The following RAB25 variants were observed in gnomAD, a reference collection of about 807,000 sequenced individuals.
RAB25 encodes ras-related protein Rab-25.
Under a neutral mutation model 25.2 loss-of-function variants are expected in RAB25, and 23 were observed. The observed-to-expected ratio is 0.91, with a 90% CI of 0.66 to 1.29. The LOEUF is 1.29. Ranked by LOEUF, RAB25 falls within the 50% of genes most tolerant of loss-of-function variation. The pLI is 0.00. For synonymous variants in RAB25, 102 were observed against 111.5 expected (o/e 0.91, Z 0.54); for missense variants, 244 against 277.3 (o/e 0.88, Z 0.85).
chr1:156,061,307 TC>T lies in RAB25; in HGVS notation c.-93del, dbSNP rs1343399764. On this transcript the variant is annotated 5_prime_UTR_variant, in exon 1 of 5. It introduces an in-frame stop codon into an upstream open reading frame of the 5' UTR. Coordinates refer to ENST00000361084, the MANE Select transcript of RAB25 (RefSeq NM_020387.4). Reference sequence around the variant, plus strand: ...CAATGAGAGGAGGGGCAGGACCAGATCTTTTGAGAGCTGAGGGTTGAGGGCA... The same window carrying T: ...CAATGAGAGGAGGGGCAGGACCAGATTTTTGAGAGCTGAGGGTTGAGGGCA... 5.3e-6 allele frequency: 7 copies of T among 1,319,178 alleles called. No homozygotes were observed. The highest frequency in any genetic ancestry group is 7.6e-6 in the Non-Finnish European group (7 of 915,478). 81.7% of individuals were successfully genotyped at this position (1,319,178 alleles called of 1,614,324 possible).
chr1:156,063,705 C>T (rs1647660598), intron 1 of RAB25, among the ~76,000 whole-genome samples: 1 of 152,226 alleles, frequency 6.6e-6, no homozygotes, highest in Non-Finnish European at 1.5e-5. Context: ...CCTGCACTCC[C>T]TGCAGCTTGG....
intron 2 of RAB25, 91 bp downstream of exon 2, chr1:156,066,197 A>T: frequency 1.9e-5 from 15 of 801,926 alleles, no homozygotes; most frequent in South Asian, 2.7e-5. Flanking sequence ...GGAGGAGGCA[A>T]GGGGGCTCAG....
chr1:156,069,223 C>T (rs1243368916), intron 3 of RAB25, among the ~76,000 whole-genome samples: 2 of 152,128 alleles, frequency 1.3e-5, no homozygotes, highest in African/African-American at 4.8e-5. Flanking sequence ...GCTCCGTCAC[C>T]CAGGCTGGGG....
intron 1 of RAB25, among the ~76,000 whole-genome samples, chr1:156,063,850 A>G (rs1403377882): frequency 6.6e-6 from 1 of 152,244 alleles, no homozygotes; most frequent in African/African-American, 2.4e-5. Flanking sequence ...AATGGGATTC[A>G]TGGCATTCTT....
chr1:156,061,591 G>T (rs561196260), intron 1 of RAB25, 148 bp downstream of exon 1: 2 of 835,426 alleles, frequency 2.4e-6, no homozygotes, highest in African/African-American at 1.7e-5. Context: ...TGCAGGGAGT[G>T]GGGGAGGGTC....
At chr1:156,068,000 G>A (rs931316993) in intron 2 of RAB25, among the ~76,000 whole-genome samples, 5 of 152,142 alleles carry the variant, frequency 3.3e-5, no homozygotes, top group South Asian at 2.1e-4. Context: ...TGATCCACCC[G>A]CCTTGGCCTC....
At chr1:156,062,073 C>G (rs1187780401) in intron 1 of RAB25, among the ~76,000 whole-genome samples, 2 of 152,204 alleles carry the variant, frequency 1.3e-5, no homozygotes, top group African/African-American at 4.8e-5. Flanking sequence ...AGCCACCACA[C>G]CCGGCCAGGA....
intron 1 of RAB25, among the ~76,000 whole-genome samples, chr1:156,065,611 TCA>T (rs1647719492): frequency 1.3e-5 from 2 of 152,106 alleles, no homozygotes; most frequent in East Asian, 1.9e-4. Context: ...CGCATGACAC[TCA>T]TAAAGAGCCC....
In RAB25 at chr1:156,068,424, G is replaced by T; in HGVS notation, c.394G>T (p.Ala132Ser). 1 of 1,613,940 alleles carries T rather than the reference G, an allele frequency of 6.2e-7. No homozygotes were observed. Among genetic ancestry groups the T allele is most frequent in the Non-Finnish European group, 8.5e-7 (1 of 1,180,004 alleles). Residue 132 changes from alanine to serine, a missense_variant, in exon 3 of 5, where the codon GCC becomes TCC. Ala to Ser is a moderately conservative substitution (Grantham distance 99). Coordinates refer to ENST00000361084, the MANE Select transcript of RAB25 (RefSeq NM_020387.4). ...GGGTAACAAAAGTGACCTCAGCCAG[G>T]CCCGGGAAGTGCCCACTGAGGAGGC... Reference protein sequence around the residue: ...LVGNKSDLSQAREVPTEEARM... With the variant: ...LVGNKSDLSQSREVPTEEARM...
chr1:156,068,527 C>A, intron 3 of RAB25, 64 bp downstream of exon 3: 1 of 1,523,750 alleles, frequency 6.6e-7, no homozygotes, highest in South Asian at 1.2e-5. Flanking sequence ...CTTGCAGTCT[C>A]CCAGCCCCTG....
intron 1 of RAB25, among the ~76,000 whole-genome samples, chr1:156,062,450 C>T (rs1329597257): frequency 6.6e-6 from 1 of 152,136 alleles, no homozygotes; most frequent in East Asian, 1.9e-4. Flanking sequence ...GACTCTCCAG[C>T]CACCCTACCC....
chr1:156,061,305 G>A lies in RAB25; in HGVS notation c.-96G>A. The stretch of plus-strand genomic sequence containing the variant: ...CCCAATGAGAGGAGGGGCAGGACCA[G>A]ATCTTTTGAGAGCTGAGGGTTGAGG... On this transcript the variant is annotated 5_prime_UTR_variant, in exon 1 of 5. Coordinates refer to ENST00000361084, the MANE Select transcript of RAB25 (RefSeq NM_020387.4). The A allele has an allele frequency of 7.7e-7, 1 of 1,306,270 alleles. No homozygotes were observed. Among genetic ancestry groups the A allele is most frequent in the South Asian group, 1.2e-5 (1 of 83,486 alleles). The allele number at this position is 1,306,270 out of a possible 1,614,324, so 80.9% of individuals were successfully genotyped here. A position where few individuals can be genotyped will look rare whatever the true frequency, so the allele number is the denominator to read the frequency against.
In RAB25 at chr1:156,066,090, C is replaced by T. The variant is rs764310293; in HGVS notation, c.223C>T (p.Arg75Ter). 1.2e-5 allele frequency: 19 copies of T among 1,593,984 alleles called. No homozygotes were observed. Among genetic ancestry groups the T allele is most frequent in the Middle Eastern group, 1.7e-4 (1 of 5,904 alleles). ...GGACACAGCTGGCCTGGAGCGGTAC[C>T]GAGCCATCACCTCGGCGTGAGCCCG... is the stretch of plus-strand genomic sequence containing the variant. ...IWDTAGLERY[R>*]AITSAYYRGA... The change falls in exon 2 of 5, where the codon CGA becomes TGA. Residue 75 changes from arginine to a stop codon, truncating the protein, a stop_gained. Transcript: ENST00000361084. LOFTEE classifies it high-confidence loss of function.
At chr1:156,061,512 G>A in intron 1 of RAB25, 69 bp downstream of exon 1, 2 of 1,519,486 alleles carry the variant, frequency 1.3e-6, no homozygotes, top group Non-Finnish European at 1.8e-6. Flanking sequence ...GAGCCAGAGA[G>A]GGCCCCCTCC....
intron 2 of RAB25, 76 bp from the exon 3 acceptor site, chr1:156,068,194 G>C: frequency 7.5e-7 from 1 of 1,328,812 alleles, no homozygotes. Context: ...GGGTGTTCCA[G>C]CTTGACGGCT....
rs1485959115 is a variant in RAB25 at position 156,069,230 on chromosome 1, G to A, written c.434-441G>A. Among the ~76,000 whole-genome samples the A allele has an allele frequency of 2.6e-5, 4 of 151,972 alleles. No individual in the cohort carries two copies. The South Asian group carries it at 8.3e-4, about 32-fold the overall frequency. ...GGAGTCTCGCTCCGTCACCCAGGCT[G>A]GGGTGCAGTGGCACGATCTTGGCTC... On this transcript the variant is annotated intron_variant, in intron 3 of 4. Coordinates refer to ENST00000361084, the MANE Select transcript of RAB25 (RefSeq NM_020387.4).
chr1:156,066,884 G>A (rs1394228909), intron 2 of RAB25, among the ~76,000 whole-genome samples: 1 of 152,068 alleles, frequency 6.6e-6, no homozygotes, highest in Non-Finnish European at 1.5e-5. Flanking sequence ...AAGTTGCAGT[G>A]AGCCGAAATC....
In RAB25 at chr1:156,061,391, C is replaced by T. The variant is rs766809432; in HGVS notation, c.-10C>T. ...CCCGAAGACACCTGCACCCTCCATGCGGAGCCAAGATGGGGAATGGAACTG... is the reference window on the plus strand; with the variant it reads ...CCCGAAGACACCTGCACCCTCCATGTGGAGCCAAGATGGGGAATGGAACTG... On this transcript the variant is annotated 5_prime_UTR_variant, in exon 1 of 5. Transcript: ENST00000361084. 6.2e-6 allele frequency: 10 copies of T among 1,613,692 alleles called. No individual in the cohort carries two copies. The highest frequency in any genetic ancestry group is 1.3e-5 in the African/African-American group (1 of 74,906).
chr1:156,061,380 C>T lies in RAB25; in HGVS notation c.-21C>T. The T allele has an allele frequency of 6.2e-7, 1 of 1,613,686 alleles. No homozygotes were observed. Among genetic ancestry groups the T allele is most frequent in the Non-Finnish European group, 8.5e-7 (1 of 1,179,642 alleles). On this transcript the variant is annotated 5_prime_UTR_variant, in exon 1 of 5. Transcript: ENST00000361084. ...TCGCCTCTGTCCCCGAAGACACCTG[C>T]ACCCTCCATGCGGAGCCAAGATGGG...
Sources: allele counts gnomAD v4.1 joint callset (sites outside exome capture counted in the v4.1 genomes callset), GRCh38; gene constraint gnomAD v4.1.1; transcripts MANE v1.5; gene names NCBI Gene and HGNC (gene_info 2026-07-23, HGNC 2026-07-21).